MYO5A: variants seen among roughly 807,000 people sequenced by gnomAD.
The protein encoded by MYO5A is unconventional myosin-Va.
Under a neutral mutation model 249.7 loss-of-function variants are expected in MYO5A, and 98 were observed. The observed-to-expected ratio is 0.39, with a 90% CI of 0.33 to 0.46. The LOEUF is 0.46. Ranked by LOEUF, MYO5A falls within the 20% of genes least tolerant of loss-of-function variation. MYO5A has a pLI of 0.98. For synonymous variants in MYO5A, 778 were observed against 810.6 expected (o/e 0.96, Z 0.68); for missense variants, 1,696 against 2,308.8 (o/e 0.73, Z 5.44).
chr15:52,450,854 T>TTTGTTTTTTG (rs1567138411), intron 1 of MYO5A, among the ~76,000 whole-genome samples: 3 of 146,862 alleles, frequency 2.0e-5, no homozygotes, highest in African/African-American at 7.5e-5. Context: ...TTTTTTTTTT[T>TTTGTTTTTTG]TTTTTTTTTT....
chr15:52,341,538 G>A (rs2039383902), intron 31 of MYO5A, among the ~76,000 whole-genome samples: 1 of 152,154 alleles, frequency 6.6e-6, no homozygotes. Flanking sequence ...CAAATGCAAA[G>A]TTATGGTTAA....
At chr15:52,528,970 A>C, upstream of MYO5A, 1 of 389,852 alleles carries the variant, frequency 2.6e-6, no homozygotes, top group Non-Finnish European at 3.6e-6. Context: ...GGGGCGCCTC[A>C]GGCGCTGGCC....
At position 52,418,740 on chromosome 15, in the gene MYO5A, G is replaced by A. The variant is rs1465596753; in HGVS notation, c.456-2439C>T. Among the ~76,000 whole-genome samples, 6 of 149,732 alleles carry A rather than the reference G, an allele frequency of 4.0e-5. No homozygotes were observed. The East Asian group carries it at 1.0e-3, about 25-fold the overall frequency. On this transcript the variant is annotated intron_variant, in intron 4 of 41. Coordinates refer to ENST00000399233, the MANE Select transcript of MYO5A (RefSeq NM_001382347.1). ...TGAGCAAGAGAGAGATAGAGAAAGA[G>A]AGAAAGAGAGAGAGACAGAGAGAGA...
At chr15:52,378,679 T>G (rs544212149) in intron 18 of MYO5A, among the ~76,000 whole-genome samples, 16 of 151,554 alleles carry the variant, frequency 1.1e-4, no homozygotes, top group Admixed American at 5.9e-4. Flanking sequence ...TTATGATCAA[T>G]TAGCTCAAAG....
At chr15:52,410,532 T>G in intron 5 of MYO5A, 56 bp from the exon 6 acceptor site, 1 of 1,510,768 alleles carries the variant, frequency 6.6e-7, no homozygotes, top group East Asian at 2.3e-5. Context: ...ACATGACATT[T>G]ACAGAATCTG....
intron 5 of MYO5A, 107 bp downstream of exon 5, chr15:52,416,037 AG>A: frequency 7.8e-7 from 1 of 1,282,834 alleles, no homozygotes; most frequent in Non-Finnish European, 1.1e-6. Context: ...TCTTAATTTT[AG>A]TGGCTGGAGA....
intron 1 of MYO5A, among the ~76,000 whole-genome samples, chr15:52,497,058 C>A (rs570577176): frequency 6.6e-6 from 1 of 152,284 alleles, no homozygotes; most frequent in African/African-American, 2.4e-5. Flanking sequence ...ACCTCTCAGG[C>A]TCAAGCGATT....
At chr15:52,380,038 A>T in intron 16 of MYO5A, 130 bp from the exon 17 acceptor site, 1 of 876,552 alleles carries the variant, frequency 1.1e-6, no homozygotes, top group South Asian at 1.4e-5. Flanking sequence ...AGCTTTCAGA[A>T]GTCGGAGCAG....
intron 1 of MYO5A, among the ~76,000 whole-genome samples, chr15:52,526,785 AT>A (rs2077737607): frequency 6.6e-6 from 1 of 152,196 alleles, no homozygotes; most frequent in African/African-American, 2.4e-5. Flanking sequence ...AAATCACAAC[AT>A]CTTTTCAATT....
chr15:52,492,729 G>A (rs544383020), intron 1 of MYO5A, among the ~76,000 whole-genome samples: 17 of 152,302 alleles, frequency 1.1e-4, no homozygotes, highest in African/African-American at 2.9e-4. Context: ...TATCTGGGAT[G>A]AATTAACAGT....
Position 52,412,448 on chromosome 15 carries a change from A to G in MYO5A, c.613-1972T>C, listed in dbSNP as rs149528343. Among the ~76,000 whole-genome samples, 69 of 152,372 alleles carry G rather than the reference A, an allele frequency of 4.5e-4. 1 individual carries two copies. In the East Asian group the frequency reaches 7.1e-3, roughly 16 times the overall value. On this transcript the variant is annotated intron_variant, in intron 5 of 41. Transcript: ENST00000399233. Reference sequence around the variant, plus strand: ...AAGAACAAATGAATTAGAAGCCCGAAGACCTATCAGACCAGGCCCTATTAT... The same window carrying G: ...AAGAACAAATGAATTAGAAGCCCGAGGACCTATCAGACCAGGCCCTATTAT...
chr15:52,457,869 C>T (rs1287511371), intron 1 of MYO5A, among the ~76,000 whole-genome samples: 1 of 152,102 alleles, frequency 6.6e-6, no homozygotes. Flanking sequence ...TAAGTGTCCA[C>T]CGACAGATCA....
At chr15:52,470,459 C>T (rs1001903395) in intron 1 of MYO5A, among the ~76,000 whole-genome samples, 1 of 151,972 alleles carries the variant, frequency 6.6e-6, no homozygotes, top group African/African-American at 2.4e-5. Context: ...CGAGAACACC[C>T]GGACCAACAT....
At chr15:52,387,666 C>A in intron 14 of MYO5A, 163 bp downstream of exon 14, 1 of 606,256 alleles carries the variant, frequency 1.6e-6, no homozygotes, top group Middle Eastern at 4.5e-4. Context: ...ACATTTAGAA[C>A]AGGACCTGAC....
chr15:52,465,179 C>A lies in MYO5A; in HGVS notation c.28-31894G>T, dbSNP rs913337942. Reference sequence around the variant, plus strand: ...GGCTTTGAGAGGGCAAATGAGTAGGCCATCTTGCTGCTGGCTGAGACACCT... The same window carrying A: ...GGCTTTGAGAGGGCAAATGAGTAGGACATCTTGCTGCTGGCTGAGACACCT... On this transcript the variant is annotated intron_variant, in intron 1 of 41. Coordinates refer to ENST00000399233, the MANE Select transcript of MYO5A (RefSeq NM_001382347.1). 2.0e-5 allele frequency among the ~76,000 whole-genome samples: 3 copies of A among 152,178 alleles called. No individual in the cohort carries two copies. The East Asian group carries it at 5.8e-4, about 29-fold the overall frequency.
At chr15:52,509,788 T>C (rs2077352314) in intron 1 of MYO5A, among the ~76,000 whole-genome samples, 1 of 152,112 alleles carries the variant, frequency 6.6e-6, no homozygotes, top group Admixed American at 6.5e-5. Context: ...GCCTGAATGA[T>C]TCACGTTGAA....
At chr15:52,372,489 T>A in intron 20 of MYO5A, 126 bp from the exon 21 acceptor site, 1 of 1,275,846 alleles carries the variant, frequency 7.8e-7, no homozygotes, top group Non-Finnish European at 1.1e-6. Context: ...ATTGACAATG[T>A]ACTATGTAGA....
chr15:52,320,719 G>A (rs933641483), intron 38 of MYO5A, among the ~76,000 whole-genome samples: 2 of 152,098 alleles, frequency 1.3e-5, no homozygotes, highest in African/African-American at 4.8e-5. Context: ...GTAGCCTTAA[G>A]AGCCTGCTGA....
Position 52,387,858 on chromosome 15 carries a change from C to T in MYO5A, c.1723G>A (p.Glu575Lys), listed in dbSNP as rs971624559. The T allele has an allele frequency of 6.2e-7, 1 of 1,611,928 alleles. No individual in the cohort carries two copies. Among genetic ancestry groups the T allele is most frequent in the Non-Finnish European group, 8.5e-7 (1 of 1,178,550 alleles). ...LEKNKDTVFEEQIKVLKSSKF... is the reference protein window; with the variant it reads ...LEKNKDTVFEKQIKVLKSSKF... Reference sequence around the variant, plus strand: ...CTTGATTTAAGAACTTTAATTTGTTCTTCAAAAACGGTGTCTTTATTCTTT... The same window carrying T: ...CTTGATTTAAGAACTTTAATTTGTTTTTCAAAAACGGTGTCTTTATTCTTT... Residue 575 changes from glutamate to lysine, a missense_variant, in exon 14 of 42, where the codon GAA becomes AAA. Coordinates refer to ENST00000399233, the MANE Select transcript of MYO5A (RefSeq NM_001382347.1).
Sources: allele counts gnomAD v4.1 joint callset (sites outside exome capture counted in the v4.1 genomes callset), GRCh38; gene constraint gnomAD v4.1.1; transcripts MANE v1.5; gene names NCBI Gene and HGNC (gene_info 2026-07-23, HGNC 2026-07-21).